Variants in WDR7 observed in about 807,000 individuals in gnomAD.
The protein encoded by WDR7 is WD repeat domain 7, also known as WD repeat-containing protein 7.
WDR7 carries 46 observed loss-of-function variants against 169.4 expected under a neutral mutation model. That is an observed-to-expected ratio of 0.27 (90% confidence interval 0.21 to 0.35). The LOEUF is 0.35. Ranked by LOEUF, WDR7 falls within the 10% of genes least tolerant of loss-of-function variation. WDR7 has a pLI of 1.00. For missense variants in WDR7, 1,534 were observed against 1,859.3 expected (o/e 0.83, Z 3.22); for synonymous variants, 612 against 666.8 (o/e 0.92, Z 1.27).
At chr18:56,671,384 G>A (rs1204558618) in intron 1 of WDR7, among the ~76,000 whole-genome samples, 1 of 151,152 alleles carries the variant, frequency 6.6e-6, no homozygotes, top group East Asian at 1.9e-4. Flanking sequence ...TGCCTCCCAG[G>A]TTCAAGCCTC....
At chr18:56,706,528 C>A (rs926682975) in intron 12 of WDR7, among the ~76,000 whole-genome samples, 1 of 152,064 alleles carries the variant, frequency 6.6e-6, no homozygotes, top group Non-Finnish European at 1.5e-5. Flanking sequence ...TTAGAAGTAA[C>A]GCTTGGCCTG....
At chr18:56,912,015 G>A (rs1431170655) in intron 21 of WDR7, among the ~76,000 whole-genome samples, 1 of 152,158 alleles carries the variant, frequency 6.6e-6, no homozygotes, top group Admixed American at 6.5e-5. Context: ...TCATCACTTT[G>A]GGGAGGTACA....
intron 20 of WDR7, among the ~76,000 whole-genome samples, chr18:56,854,153 A>G (rs1202012807): frequency 6.6e-6 from 1 of 152,116 alleles, no homozygotes; most frequent in East Asian, 1.9e-4. Context: ...CAAGCAAACA[A>G]TCAGTTCCGC....
At chr18:56,922,402 C>G (rs7228080) in intron 21 of WDR7, among the ~76,000 whole-genome samples, 6,580 of 151,984 alleles carry the variant, frequency 0.043, 485 homozygotes, top group African/African-American at 0.15. Context: ...GATAAAAGGA[C>G]ACGTATGTGC....
At chr18:56,977,895 T>C (rs963737094) in intron 26 of WDR7, among the ~76,000 whole-genome samples, 2 of 152,204 alleles carry the variant, frequency 1.3e-5, no homozygotes, top group African/African-American at 2.4e-5. Flanking sequence ...GCATTGTTAC[T>C]GTGTTGCTGT....
chr18:56,774,724 A>G (rs572138331), intron 16 of WDR7, among the ~76,000 whole-genome samples: 1 of 152,204 alleles, frequency 6.6e-6, no homozygotes, highest in Non-Finnish European at 1.5e-5. Context: ...ATGAATTTTG[A>G]AAGTGCTGTA....
At chr18:56,961,073 T>C (rs1258507201) in intron 25 of WDR7, among the ~76,000 whole-genome samples, 1 of 152,134 alleles carries the variant, frequency 6.6e-6, no homozygotes, top group African/African-American at 2.4e-5. Flanking sequence ...TATTGTTCAG[T>C]GTATTACTTG....
At chr18:56,786,899 C>CA (rs1175905428) in intron 19 of WDR7, among the ~76,000 whole-genome samples, 1 of 151,176 alleles carries the variant, frequency 6.6e-6, no homozygotes, top group Non-Finnish European at 1.5e-5. Context: ...TAGGTTGGTG[C>CA]AAAAGTAAAT....
In WDR7 at chr18:56,879,856, G is replaced by T. The variant is rs184422734; in HGVS notation, c.3305-88G>T. On this transcript the variant is annotated intron_variant, in intron 20 of 27. Transcript: ENST00000254442. ...ATTTGCTGAAAATGCTATTCTTTCCGAACGTGCAGTCCTGAATGTTTTTCT... is the reference window on the plus strand; with the variant it reads ...ATTTGCTGAAAATGCTATTCTTTCCTAACGTGCAGTCCTGAATGTTTTTCT... The T allele has an allele frequency of 3.8e-6, 4 of 1,057,466 alleles. No individual in the cohort carries two copies. The South Asian group carries it at 4.7e-5, about 12-fold the overall frequency. The allele number at this position is 1,057,466 out of a possible 1,614,324, so 65.5% of individuals were successfully genotyped here.
intron 13 of WDR7, among the ~76,000 whole-genome samples, chr18:56,722,653 C>A (rs1479310769): frequency 1.3e-5 from 2 of 152,092 alleles, no homozygotes; most frequent in African/African-American, 4.8e-5. Flanking sequence ...TGAAATCTTA[C>A]ATATTTACCT....
At chr18:56,903,841 C>T (rs1270853455) in intron 21 of WDR7, among the ~76,000 whole-genome samples, 1 of 152,072 alleles carries the variant, frequency 6.6e-6, no homozygotes, top group Non-Finnish European at 1.5e-5. Flanking sequence ...GTTCTGTTAT[C>T]CAGAAATGAA....
chr18:56,708,030 CTTTTTT>C (rs752679794), intron 12 of WDR7, among the ~76,000 whole-genome samples: 1 of 132,814 alleles, frequency 7.5e-6, no homozygotes. Flanking sequence ...GTGTTTATTC[CTTTTTT>C]TTTTTTTTTT....
chr18:56,950,959 CT>C (rs916606944), intron 25 of WDR7, among the ~76,000 whole-genome samples: 2 of 152,184 alleles, frequency 1.3e-5, no homozygotes, highest in African/African-American at 4.8e-5. Flanking sequence ...TTCTCAAATT[CT>C]GTAGGCTCAG....
intron 19 of WDR7, among the ~76,000 whole-genome samples, chr18:56,797,257 G>A (rs893550504): frequency 6.6e-6 from 1 of 152,158 alleles, no homozygotes; most frequent in African/African-American, 2.4e-5. Flanking sequence ...GGATGTAGAA[G>A]GGGCCCCTGT....
At chr18:56,664,685 C>A (rs588993) in intron 1 of WDR7, among the ~76,000 whole-genome samples, 139,737 of 152,176 alleles carry the variant, frequency 0.92, 65,316 homozygotes, top group East Asian at 1. Context: ...CATATTGACC[C>A]CTAGTAAAAG....
intron 25 of WDR7, among the ~76,000 whole-genome samples, chr18:56,950,976 A>G (rs1216553891): frequency 1.3e-5 from 2 of 152,202 alleles, no homozygotes; most frequent in South Asian, 2.1e-4. Flanking sequence ...CTCAGGGCCC[A>G]TTAGTCTTTT....
chr18:56,866,530 T>G (rs2045884971), intron 20 of WDR7, among the ~76,000 whole-genome samples: 1 of 152,176 alleles, frequency 6.6e-6, no homozygotes, highest in South Asian at 2.1e-4. Flanking sequence ...TTTCTATGAG[T>G]AAATACTATT....
At chr18:56,788,974 T>C (rs2044444358) in intron 19 of WDR7, among the ~76,000 whole-genome samples, 1 of 152,214 alleles carries the variant, frequency 6.6e-6, no homozygotes, top group Non-Finnish European at 1.5e-5. Flanking sequence ...GTATCCGTAG[T>C]GTATCTGTTT....
chr18:56,893,135 T>C (rs2046286547), intron 21 of WDR7, among the ~76,000 whole-genome samples: 1 of 152,098 alleles, frequency 6.6e-6, no homozygotes, highest in Non-Finnish European at 1.5e-5. Context: ...TTTTGATTCT[T>C]TGTCACTAGA....
Sources: gnomAD v4.1 joint callset for allele counts (sites outside exome capture counted in the v4.1 genomes callset) on GRCh38, gnomAD v4.1.1 for gene constraint, MANE v1.5 for transcripts, NCBI Gene and HGNC (gene_info 2026-07-23, HGNC 2026-07-21) for gene names.